CNTN5: variants seen among roughly 807,000 people sequenced by gnomAD.
The protein encoded by CNTN5 is contactin-5.
In CNTN5, 77 loss-of-function variants were observed where a neutral mutation model predicts 129.1. That is an observed-to-expected ratio of 0.60 (90% CI 0.50 to 0.72). The LOEUF is 0.72. CNTN5 is among the 30% of genes least tolerant of loss of function. The pLI, the probability that CNTN5 is intolerant of heterozygous loss-of-function variation, is 0.00. For synonymous variants in CNTN5, 509 were observed against 465.6 expected (o/e 1.09, Z -1.20); for missense variants, 1,478 against 1,328.8 (o/e 1.11, Z -1.75).
intron 1 of CNTN5, among the ~76,000 whole-genome samples, chr11:99,246,665 T>C (rs941172510): frequency 2.0e-5 from 3 of 152,252 alleles, no homozygotes; most frequent in Middle Eastern, 3.4e-3. Flanking sequence ...CAAAATATCT[T>C]TATGAAATGA....
intron 9 of CNTN5, among the ~76,000 whole-genome samples, chr11:100,041,023 G>A (rs182556095): frequency 3.6e-4 from 55 of 152,254 alleles, no homozygotes; most frequent in African/African-American, 1.3e-3. Context: ...AGATGAACCC[G>A]GTACCTCAGT....
At chr11:99,057,627 A>C (rs1489904571) in intron 1 of CNTN5, among the ~76,000 whole-genome samples, 1 of 152,072 alleles carries the variant, frequency 6.6e-6, no homozygotes. Flanking sequence ...AGATTCAATA[A>C]AAATTAGAGT....
At chr11:100,327,539 A>G (rs1359444245) in intron 21 of CNTN5, among the ~76,000 whole-genome samples, 1 of 152,174 alleles carries the variant, frequency 6.6e-6, no homozygotes, top group Non-Finnish European at 1.5e-5. Flanking sequence ...ATCTGTATCA[A>G]TATATAGCTT....
At chr11:99,362,328 T>C (rs1034391141) in intron 2 of CNTN5, among the ~76,000 whole-genome samples, 6 of 151,898 alleles carry the variant, frequency 4.0e-5, no homozygotes, top group Non-Finnish European at 7.4e-5. Context: ...TTTAATTGGG[T>C]TGTTTATTTT....
intron 1 of CNTN5, among the ~76,000 whole-genome samples, chr11:99,080,514 C>T (rs1027439378): frequency 2.0e-5 from 3 of 152,160 alleles, no homozygotes; most frequent in Non-Finnish European, 4.4e-5. Flanking sequence ...GCTACAAACA[C>T]CATCCTATCA....
chr11:100,159,213 A>C (rs941015011), intron 13 of CNTN5, among the ~76,000 whole-genome samples: 5 of 151,832 alleles, frequency 3.3e-5, no homozygotes, highest in Non-Finnish European at 5.9e-5. Context: ...GAAAAAAAAA[A>C]GTTAAAATGG....
At chr11:99,239,605 T>A (rs1861438645) in intron 1 of CNTN5, among the ~76,000 whole-genome samples, 1 of 152,168 alleles carries the variant, frequency 6.6e-6, no homozygotes, top group Admixed American at 6.5e-5. Flanking sequence ...TACAGATTCA[T>A]CACTTATGAA....
intron 8 of CNTN5, among the ~76,000 whole-genome samples, chr11:99,962,426 C>A (rs12279925): frequency 0.064 from 9,701 of 151,342 alleles, 528 homozygotes; most frequent in African/African-American, 0.13. Context: ...TTTGTCCTTG[C>A]GATAGTTTGC....
At chr11:99,517,307 C>A (rs893939735) in intron 2 of CNTN5, among the ~76,000 whole-genome samples, 2 of 152,034 alleles carry the variant, frequency 1.3e-5, no homozygotes, top group African/African-American at 2.4e-5. Context: ...CCTTCATCAC[C>A]TCTTTCCTGG....
At chr11:99,939,697 T>C (rs1950392499) in intron 7 of CNTN5, among the ~76,000 whole-genome samples, 1 of 152,054 alleles carries the variant, frequency 6.6e-6, no homozygotes, top group Admixed American at 6.6e-5. Context: ...ATCTGAATCA[T>C]TACCAAAATA....
intron 3 of CNTN5, among the ~76,000 whole-genome samples, chr11:99,690,380 T>C (rs2134779250): frequency 6.6e-6 from 1 of 152,236 alleles, no homozygotes; most frequent in African/African-American, 2.4e-5. Flanking sequence ...CCAGCTTTGT[T>C]TTGTTGTTGT....
In CNTN5 at chr11:100,279,468, CCATTT is replaced by C. The variant is rs200178364; in HGVS notation, c.2314+8228_2314+8232del. 1.1e-3 allele frequency among the ~76,000 whole-genome samples: 172 copies of C among 151,384 alleles called. No homozygotes were observed. The East Asian group carries it at 0.031, about 27-fold the overall frequency. On this transcript the variant is annotated intron_variant, in intron 18 of 24. Transcript: ENST00000524871. Reference sequence around the variant, plus strand: ...CTTCTTTTTTTTTCCCTCTGGATGCCCATTTATTACAGCTTCAATCACACATTATC... The same window carrying C: ...CTTCTTTTTTTTTCCCTCTGGATGCCATTACAGCTTCAATCACACATTATC...
At chr11:99,246,031 A>T (rs10892979) in intron 1 of CNTN5, among the ~76,000 whole-genome samples, 150,993 of 152,290 alleles carry the variant, frequency 0.99, 74,856 homozygotes, top group East Asian at 1. Context: ...TGAACTTATG[A>T]CATCTTATAC....
chr11:99,502,598 C>T (rs146204566), intron 2 of CNTN5, among the ~76,000 whole-genome samples: 1 of 152,264 alleles, frequency 6.6e-6, no homozygotes, highest in East Asian at 1.9e-4. Flanking sequence ...TTGAGACCTC[C>T]CCAAGCATGC....
rs375348190 is a variant in CNTN5 at position 99,045,455 on chromosome 11, G to C, written c.-210+24185G>C. On this transcript the variant is annotated intron_variant, in intron 1 of 24. Transcript: ENST00000524871. ...TCTACGAAAGCATGTTTTTCATCTGGTCCCATAAAATACATTACCTGAGCA... is the reference window on the plus strand; with the variant it reads ...TCTACGAAAGCATGTTTTTCATCTGCTCCCATAAAATACATTACCTGAGCA... 1.3e-4 allele frequency among the ~76,000 whole-genome samples: 20 copies of C among 152,148 alleles called. No homozygotes were observed. The South Asian group carries it at 4.1e-3, about 32-fold the overall frequency.
At chr11:99,393,113 A>G (rs1421010984) in intron 2 of CNTN5, among the ~76,000 whole-genome samples, 1 of 151,842 alleles carries the variant, frequency 6.6e-6, no homozygotes, top group East Asian at 1.9e-4. Flanking sequence ...CCCACTAATA[A>G]GTAACATGAG....
At chr11:99,626,521 C>A (rs1340199473) in intron 3 of CNTN5, among the ~76,000 whole-genome samples, 1 of 152,004 alleles carries the variant, frequency 6.6e-6, no homozygotes, top group Non-Finnish European at 1.5e-5. Flanking sequence ...CAAATGTTGC[C>A]CTTCTTCAAG....
At chr11:99,981,087 TATATATATATATATATAC>T (rs1277352730) in intron 8 of CNTN5, among the ~76,000 whole-genome samples, 3 of 73,492 alleles carry the variant, frequency 4.1e-5, no homozygotes, top group South Asian at 8.2e-4. Context: ...GATATATATA[TATATATATATATATATAC>T]ACACACACAC....
At chr11:100,274,262 C>T (rs1950461235) in intron 18 of CNTN5, among the ~76,000 whole-genome samples, 1 of 152,072 alleles carries the variant, frequency 6.6e-6, no homozygotes. Flanking sequence ...ACAAAACTAT[C>T]AAAATGCTAG....
Sources: allele counts gnomAD v4.1 joint callset (sites outside exome capture counted in the v4.1 genomes callset), GRCh38; gene constraint gnomAD v4.1.1; transcripts MANE v1.5; gene names NCBI Gene and HGNC (gene_info 2026-07-23, HGNC 2026-07-21).